Variants in CSMD1 observed in about 807,000 individuals in gnomAD.
CSMD1 encodes the protein CUB and sushi domain-containing protein 1.
CSMD1 carries 213 observed loss-of-function variants against 417.5 expected under a neutral mutation model. The ratio of observed to expected loss-of-function variants is 0.51; its 90% CI spans 0.46 to 0.57. The LOEUF is 0.57. Among genes scored for constraint, CSMD1 ranks in the 20% least tolerant of loss-of-function variants. The pLI, the probability that CSMD1 is intolerant of heterozygous loss-of-function variation, is 0.00. For synonymous variants in CSMD1, 2,862 were observed against 1,736.8 expected, an observed-to-expected ratio of 1.65 and a Z score of -16.11; for missense variants, 6,923 against 4,529.7, an observed-to-expected ratio of 1.53 and a Z score of -15.17.
intron 3 of CSMD1, among the ~76,000 whole-genome samples, chr8:4,154,498 CTG>C (rs1796727732): frequency 6.6e-6 from 1 of 152,138 alleles, no homozygotes; most frequent in South Asian, 2.1e-4. Flanking sequence ...AAGTTCAAAA[CTG>C]TGTGCAGACA....
chr8:4,416,761 T>C (rs1365716335), intron 3 of CSMD1, among the ~76,000 whole-genome samples: 3 of 152,098 alleles, frequency 2.0e-5, no homozygotes, highest in South Asian at 2.1e-4. Flanking sequence ...CTCATGTCAA[T>C]TTTCTGACTT....
rs77202669 is a variant in CSMD1 at position 3,158,407 on chromosome 8, G to T, written c.5845-441C>A. Among the ~76,000 whole-genome samples the T allele has an allele frequency of 5.4e-4, 82 of 152,098 alleles. No homozygotes were observed. In the East Asian group the frequency reaches 6.8e-3, roughly 13 times the overall value. On this transcript the variant is annotated intron_variant, in intron 38 of 69. Transcript: ENST00000635120. ...AGTCTGCTTATGGAGAGGTAGCTTC[G>T]GTGGTTGTCTGTGCTTCCGCGTCAC...
chr8:3,948,676 CAA>C (rs1811405095), intron 5 of CSMD1, among the ~76,000 whole-genome samples: 6 of 152,056 alleles, frequency 3.9e-5, no homozygotes, highest in Admixed American at 3.9e-4. Context: ...ATGGAAGGAC[CAA>C]TGAGTTCTAT....
At chr8:3,496,923 T>A (rs1358563812) in intron 10 of CSMD1, among the ~76,000 whole-genome samples, 1 of 152,254 alleles carries the variant, frequency 6.6e-6, no homozygotes, top group Non-Finnish European at 1.5e-5. Flanking sequence ...AGGAACATGT[T>A]TAATTTCCAT....
At chr8:4,193,805 C>G (rs11985882) in intron 3 of CSMD1, among the ~76,000 whole-genome samples, 1 of 151,672 alleles carries the variant, frequency 6.6e-6, no homozygotes, top group East Asian at 1.9e-4. Flanking sequence ...GATGCTATGG[C>G]GAGAAGAGCA....
At chr8:3,888,626 C>T (rs1461226092) in intron 5 of CSMD1, among the ~76,000 whole-genome samples, 1 of 152,122 alleles carries the variant, frequency 6.6e-6, no homozygotes, top group African/African-American at 2.4e-5. Context: ...GTCATACAAG[C>T]AAGGTCAAGT....
chr8:4,227,269 G>T (rs933952219), intron 3 of CSMD1, among the ~76,000 whole-genome samples: 2 of 152,090 alleles, frequency 1.3e-5, no homozygotes, highest in Admixed American at 6.5e-5. Flanking sequence ...GAGCAAGATG[G>T]CGACCACATA....
intron 49 of CSMD1, among the ~76,000 whole-genome samples, chr8:3,061,033 T>C (rs12545870): frequency 0.098 from 14,930 of 152,268 alleles, 728 homozygotes; most frequent in Middle Eastern, 0.15. Flanking sequence ...AAGATTTGTA[T>C]AGTTATTTTA....
chr8:3,482,247 A>G (rs76335994), intron 11 of CSMD1, among the ~76,000 whole-genome samples: 2,851 of 152,286 alleles, frequency 0.019, 105 homozygotes, highest in African/African-American at 0.065. Context: ...GGCAGAATGT[A>G]TTAAAAAATT....
At chr8:4,864,102 A>C (rs1284850529) in intron 1 of CSMD1, among the ~76,000 whole-genome samples, 1 of 151,938 alleles carries the variant, frequency 6.6e-6, no homozygotes. Flanking sequence ...CAGTCTATAA[A>C]ATTATAGTTG....
intron 1 of CSMD1, among the ~76,000 whole-genome samples, chr8:4,843,758 TA>T (rs1800972299): frequency 6.6e-6 from 1 of 152,184 alleles, no homozygotes; most frequent in South Asian, 2.1e-4. Flanking sequence ...AGGTTGTACA[TA>T]AGAGGTCTCT....
intron 1 of CSMD1, among the ~76,000 whole-genome samples, chr8:4,962,543 G>A (rs1809576009): frequency 6.6e-6 from 1 of 152,098 alleles, no homozygotes; most frequent in Non-Finnish European, 1.5e-5. Context: ...AAGCATGGAG[G>A]ACATTTTCTG....
At chr8:4,098,537 C>T (rs886362478) in intron 3 of CSMD1, among the ~76,000 whole-genome samples, 6 of 152,056 alleles carry the variant, frequency 3.9e-5, no homozygotes, top group Admixed American at 3.9e-4. Context: ...CCACAGAGAG[C>T]TGAGAAAGTG....
rs375477522 is a variant in CSMD1, at chr8:4,250,772, G to T, written c.415+169181C>A. On this transcript the variant is annotated intron_variant, in intron 3 of 69. Coordinates refer to ENST00000635120, the MANE Select transcript of CSMD1 (RefSeq NM_033225.6). The stretch of plus-strand genomic sequence containing the variant: ...ACTGTAAATATGTATAAATATGCCA[G>T]TAACTCAAAAATTACTTTTCTCTGT... Among the ~76,000 whole-genome samples, 4 of 152,162 alleles carry T rather than the reference G, an allele frequency of 2.6e-5. No individual in the cohort carries two copies. The East Asian group carries it at 5.8e-4, about 22-fold the overall frequency.
In CSMD1 at chr8:4,197,133, C is replaced by A. The variant is rs147485214; in HGVS notation, c.416-165034G>T. Among the ~76,000 whole-genome samples the A allele has an allele frequency of 9.8e-4, 149 of 152,244 alleles. 1 individual carries two copies. In the Middle Eastern group the frequency reaches 0.014, roughly 14 times the overall value. On this transcript the variant is annotated intron_variant, in intron 3 of 69. Coordinates refer to ENST00000635120, the MANE Select transcript of CSMD1 (RefSeq NM_033225.6). ...AGTGTGTCCTCAAGCAGTTCCCAGA[C>A]AAACTACAACAAGGTTATCACCTGT... is the stretch of plus-strand genomic sequence containing the variant.
rs571988966 is a variant in CSMD1, at chr8:3,465,613, G to T, written c.1561+3099C>A. On this transcript the variant is annotated intron_variant, in intron 12 of 69. Transcript: ENST00000635120. ...CATCTTAGGGTTAGAAGTGTGATCC[G>T]AAGATTTGAGGGTCCCCGAAATATT... Among the ~76,000 whole-genome samples, 14 of 152,236 alleles carry T rather than the reference G, an allele frequency of 9.2e-5. No individual in the cohort carries two copies. The South Asian group carries it at 2.9e-3, about 32-fold the overall frequency.
chr8:4,654,007 G>A (rs983144121), intron 1 of CSMD1, among the ~76,000 whole-genome samples: 1 of 152,014 alleles, frequency 6.6e-6, no homozygotes, highest in African/African-American at 2.4e-5. Flanking sequence ...TATAAAGGTT[G>A]GTTGTAAACC....
In CSMD1 at chr8:3,157,906, G is replaced by C. The variant is rs985446576; in HGVS notation, c.5905C>G (p.Leu1969Val). 1.3e-6 allele frequency: 2 copies of C among 1,553,846 alleles called. No individual in the cohort carries two copies. The highest frequency in any genetic ancestry group is 8.7e-7 in the Non-Finnish European group (1 of 1,148,068). ...GAAGGTGCATCCTTACCAATGCACA[G>C]GGGAGACGGATAGTTCCAACGGCGA... ...TVRRWNYPSP[L>V]CIATCGGTLS... is the part of the protein sequence containing the mutation. The change falls in exon 39 of 70, where the codon CTG becomes GTG. Residue 1969 changes from leucine (L) to valine (V), a missense_variant. Transcript: ENST00000635120.
chr8:4,314,095 G>A (rs1242965279), intron 3 of CSMD1, among the ~76,000 whole-genome samples: 1 of 151,790 alleles, frequency 6.6e-6, no homozygotes, highest in Admixed American at 6.6e-5. Context: ...TGGAGATGGG[G>A]GATTCAACAC....
Sources: gnomAD v4.1 joint callset for allele counts (sites outside exome capture counted in the v4.1 genomes callset) on GRCh38, gnomAD v4.1.1 for gene constraint, MANE v1.5 for transcripts, NCBI Gene and HGNC (gene_info 2026-07-23, HGNC 2026-07-21) for gene names.